The following GLMN variants were observed in gnomAD, a reference collection of about 807,000 sequenced individuals.
The protein encoded by GLMN is glomulin.
In GLMN, 75 loss-of-function variants were observed where a neutral mutation model predicts 87.8. The ratio of observed to expected loss-of-function variants is 0.85; its 90% CI spans 0.71 to 1.04. The LOEUF (loss-of-function observed/expected upper bound fraction) is 1.04, where lower values mean the gene tolerates loss of function less well. Among genes scored for constraint, GLMN ranks in the 50% least tolerant of loss-of-function variants. GLMN has a pLI of 0.00. For missense variants in GLMN, 588 were observed against 658.8 expected (o/e 0.89, Z 1.18); for synonymous variants, 206 against 221.6 (o/e 0.93, Z 0.63).
chr1:92,272,370 A>C (rs1191926059), intron 7 of GLMN, among the ~76,000 whole-genome samples: 2 of 152,210 alleles, frequency 1.3e-5, no homozygotes, highest in Non-Finnish European at 2.9e-5. Context: ...ACAGCAATGA[A>C]AAACTAATAC....
chr1:92,246,796 T>G (rs1652725741), intron 18 of GLMN, 150 bp from the exon 19 acceptor site: 2 of 700,792 alleles, frequency 2.9e-6, no homozygotes, highest in East Asian at 5.4e-5. Context: ...TTTGGGAGGC[T>G]GAGCTGAGAG....
chr1:92,278,514 C>CT (rs1647573054), intron 7 of GLMN, among the ~76,000 whole-genome samples: 1 of 152,162 alleles, frequency 6.6e-6, no homozygotes, highest in Non-Finnish European at 1.5e-5. Flanking sequence ...CATCTGACCC[C>CT]TTTTTCCATC....
the GLMN span, among the ~76,000 whole-genome samples, chr1:92,325,283 C>T: frequency 6.6e-6 from 1 of 152,144 alleles, no homozygotes; most frequent in Non-Finnish European, 1.5e-5. Context: ...AATTTAAAAG[C>T]ACATTGGAGA....
At chr1:92,255,715 G>A (rs897302846) in intron 16 of GLMN, among the ~76,000 whole-genome samples, 1 of 152,128 alleles carries the variant, frequency 6.6e-6, no homozygotes, top group African/African-American at 2.4e-5. Context: ...TGCAACCAAT[G>A]GGAACAAAGA....
chr1:92,364,612 G>A, the GLMN span, among the ~76,000 whole-genome samples: 2 of 152,000 alleles, frequency 1.3e-5, no homozygotes, highest in African/African-American at 2.4e-5. Flanking sequence ...GGTGGCATTG[G>A]TATCCTCCTA....
At chr1:92,317,376 C>T in the GLMN span, among the ~76,000 whole-genome samples, 3 of 151,838 alleles carry the variant, frequency 2.0e-5, no homozygotes, top group Non-Finnish European at 4.4e-5. Flanking sequence ...GGCGTAGTGG[C>T]GGGTGCCTGT....
chr1:92,331,691 T>A, the GLMN span, among the ~76,000 whole-genome samples: 1 of 152,176 alleles, frequency 6.6e-6, no homozygotes, highest in Non-Finnish European at 1.5e-5. Flanking sequence ...TGCAAGATTA[T>A]TTATAGCCAA....
chr1:92,300,754 T>C (rs1038250995), upstream of GLMN, among the ~76,000 whole-genome samples: 9 of 152,372 alleles, frequency 5.9e-5, no homozygotes, highest in Non-Finnish European at 1.0e-4. Context: ...GACTCACTAA[T>C]CTTATATTGG....
the GLMN span, among the ~76,000 whole-genome samples, chr1:92,345,322 T>C: frequency 3.5e-5 from 5 of 142,126 alleles, no homozygotes; most frequent in African/African-American, 1.3e-4. Flanking sequence ...ACCATGATCA[T>C]GCCTATGAAG....
chr1:92,286,426 G>A (rs914479486), intron 7 of GLMN, 64 bp downstream of exon 7: 1 of 800,522 alleles, frequency 1.2e-6, no homozygotes, highest in Non-Finnish European at 2.2e-6. Context: ...ATTTACATGT[G>A]CAGTACTGAG....
At chr1:92,293,461 A>T (rs1356412352) in intron 3 of GLMN, among the ~76,000 whole-genome samples, 1 of 149,900 alleles carries the variant, frequency 6.7e-6, no homozygotes, top group African/African-American at 2.4e-5. Context: ...GCCCGCCACC[A>T]CTCCCGGCTA....
At chr1:92,258,605 G>A (rs1016350727) in intron 16 of GLMN, among the ~76,000 whole-genome samples, 5 of 152,128 alleles carry the variant, frequency 3.3e-5, no homozygotes, top group Middle Eastern at 3.2e-3. Flanking sequence ...CCTTTGCAGG[G>A]ACACGGATGA....
At chr1:92,366,793 T>C in the GLMN span, among the ~76,000 whole-genome samples, 1 of 152,130 alleles carries the variant, frequency 6.6e-6, no homozygotes, top group Non-Finnish European at 1.5e-5. Context: ...TTTTGCAAAA[T>C]GTCTGGGGTT....
the GLMN span, among the ~76,000 whole-genome samples, chr1:92,364,658 T>C: frequency 0.017 from 2,606 of 152,294 alleles, 31 homozygotes; most frequent in Non-Finnish European, 0.027. Context: ...ATCTCTCATA[T>C]CTAATCAATT....
chr1:92,271,482 C>G lies in GLMN; in HGVS notation c.906G>C (p.Gln302His). ...ACTCTTACCTTAAGACCATTGGAAG[C>G]TGATCAATATGGATGCCCTGTACAA... The part of the protein sequence containing the change: ...LVFVQGIHID[Q>H]LPMVLSPLYL... The change falls in exon 8 of 19, where the codon CAG becomes CAC. Residue 302 changes from glutamine to histidine, a missense_variant. By Grantham distance (24) the Gln-to-His change is conservative. Transcript: ENST00000370360. The G allele has an allele frequency of 6.2e-7, 1 of 1,612,150 alleles. No homozygotes were observed. Among genetic ancestry groups the G allele is most frequent in the South Asian group, 1.1e-5 (1 of 91,048 alleles).
At chr1:92,276,519 A>G (rs2100959218) in intron 7 of GLMN, among the ~76,000 whole-genome samples, 1 of 151,944 alleles carries the variant, frequency 6.6e-6, no homozygotes, top group South Asian at 2.1e-4. Flanking sequence ...AAAATTGGCC[A>G]GGTGGGACGA....
At chr1:92,318,962 G>C in the GLMN span, among the ~76,000 whole-genome samples, 1 of 152,164 alleles carries the variant, frequency 6.6e-6, no homozygotes, top group Admixed American at 6.5e-5. Flanking sequence ...ACGATGAAAT[G>C]AGTAGGGGCT....
chr1:92,339,187 C>A, the GLMN span, among the ~76,000 whole-genome samples: 1 of 151,998 alleles, frequency 6.6e-6, no homozygotes, highest in Non-Finnish European at 1.5e-5. Context: ...TCAAAAGTTA[C>A]TAGAAACTTT....
chr1:92,283,067 A>G (rs1220244888), intron 7 of GLMN, among the ~76,000 whole-genome samples: 3 of 152,218 alleles, frequency 2.0e-5, no homozygotes, highest in Admixed American at 6.5e-5. Context: ...AGATGGTACC[A>G]TTCCTTCTGA....
Sources: gnomAD v4.1 joint callset for allele counts (sites outside exome capture counted in the v4.1 genomes callset) on GRCh38, gnomAD v4.1.1 for gene constraint, MANE v1.5 for transcripts, NCBI Gene and HGNC (gene_info 2026-07-23, HGNC 2026-07-21) for gene names.